The following TEX9 variants were observed in gnomAD, a reference collection of about 807,000 sequenced individuals.
The protein encoded by TEX9 is testis expressed 9.
Under a neutral mutation model 59.6 loss-of-function variants are expected in TEX9, and 74 were observed. The ratio of observed to expected loss-of-function variants is 1.24; its 90% confidence interval spans 1.03 to 1.51. The LOEUF is 1.51. TEX9 is among the 40% of genes most tolerant of loss of function. The pLI, the probability that TEX9 is intolerant of heterozygous loss-of-function variation, is 0.00. For missense variants in TEX9, 522 were observed against 447.8 expected (o/e 1.17, Z -1.49); for synonymous variants, 186 against 152.2 (o/e 1.22, Z -1.64).
At chr15:56,263,039 T>G (rs1266242824) in intron 1 of TEX9, among the ~76,000 whole-genome samples, 10 of 152,212 alleles carry the variant, frequency 6.6e-5, no homozygotes, top group African/African-American at 2.4e-4. Context: ...GTTTTTGTTT[T>G]TTGAGACGGA....
chr15:56,314,501 T>G (rs1236315904), intron 1 of TEX9, among the ~76,000 whole-genome samples: 24 of 142,130 alleles, frequency 1.7e-4, no homozygotes, highest in Non-Finnish European at 3.2e-4. Context: ...TTGATTGCAC[T>G]GTGGTCTGAG....
chr15:56,453,025 C>T, the TEX9 span, among the ~76,000 whole-genome samples: 1 of 152,084 alleles, frequency 6.6e-6, no homozygotes, highest in Non-Finnish European at 1.5e-5. Flanking sequence ...GTATTTTATT[C>T]TCTATTAGTC....
intron 7 of TEX9, among the ~76,000 whole-genome samples, chr15:56,392,853 C>T (rs1343463494): frequency 1.3e-5 from 2 of 152,086 alleles, no homozygotes; most frequent in South Asian, 4.2e-4. Flanking sequence ...TGTCCCATGG[C>T]CCTGTTAGAA....
At chr15:56,339,404 A>AAAAC (rs1301170856) in intron 1 of TEX9, among the ~76,000 whole-genome samples, 11 of 138,684 alleles carry the variant, frequency 7.9e-5, no homozygotes, top group Non-Finnish European at 1.3e-4. Context: ...AAAAAAAAAA[A>AAAAC]AAAAAAAAAA....
intron 1 of TEX9, among the ~76,000 whole-genome samples, chr15:56,266,181 CA>C (rs1388080110): frequency 6.6e-6 from 1 of 151,648 alleles, no homozygotes; most frequent in African/African-American, 2.4e-5. Flanking sequence ...GGCTGGAGTG[CA>C]GTGGTGCAGT....
chr15:56,349,743 A>ATG (rs35080368), intron 1 of TEX9, among the ~76,000 whole-genome samples: 6,645 of 151,914 alleles, frequency 0.044, 222 homozygotes, highest in Admixed American at 0.085. Flanking sequence ...ACGTGTATAT[A>ATG]TGTGTGTGTA....
At chr15:56,404,165 A>T (rs1361836978) in intron 9 of TEX9, among the ~76,000 whole-genome samples, 3 of 152,214 alleles carry the variant, frequency 2.0e-5, no homozygotes, top group Non-Finnish European at 2.9e-5. Context: ...CCTTCTGCAC[A>T]TCAAAAGAAA....
In TEX9 at chr15:56,404,169, A is replaced by G. The variant is rs947188189; in HGVS notation, c.829-8133A>G. On this transcript the variant is annotated intron_variant, in intron 9 of 12. Transcript: ENST00000352903. ...TAAACTAAAGACCTTCTGCACATCA[A>G]AAGAAACTACCATCAGAGTGAACAG... 5.3e-5 allele frequency among the ~76,000 whole-genome samples: 8 copies of G among 152,342 alleles called. 1 individual carries two copies. Among genetic ancestry groups the G allele is most frequent in the Admixed American group, 5.2e-4 (8 of 15,302 alleles).
intron 9 of TEX9, chr15:56,397,786 T>A (rs577939279): frequency 5.3e-5 from 8 of 152,280 alleles, no homozygotes; most frequent in African/African-American, 1.9e-4. Flanking sequence ...TCTCAGGAGA[T>A]TTGATGGTTT....
chr15:56,292,694 T>A (rs1161382323), intron 1 of TEX9, among the ~76,000 whole-genome samples: 2 of 152,178 alleles, frequency 1.3e-5, no homozygotes, highest in African/African-American at 4.8e-5. Context: ...GAAAAATGCC[T>A]TGGGCCACTA....
At chr15:56,425,876 A>G (rs535194397) in intron 10 of TEX9, among the ~76,000 whole-genome samples, 39 of 152,242 alleles carry the variant, frequency 2.6e-4, no homozygotes, top group Non-Finnish European at 3.8e-4. Flanking sequence ...ACCTTCACTA[A>G]TCAGCATGGT....
At chr15:56,247,316 A>G (rs2043882794) in intron 1 of TEX9, among the ~76,000 whole-genome samples, 1 of 152,208 alleles carries the variant, frequency 6.6e-6, no homozygotes, top group African/African-American at 2.4e-5. Flanking sequence ...GCAACATATT[A>G]ACATATATAA....
At chr15:56,383,402 T>C (rs546773088) in intron 3 of TEX9, among the ~76,000 whole-genome samples, 3 of 152,352 alleles carry the variant, frequency 2.0e-5, no homozygotes, top group African/African-American at 4.8e-5. Context: ...TGTTTTTGTG[T>C]GCAGGTAGTT....
chr15:56,318,718 A>G (rs1431614090), intron 1 of TEX9, among the ~76,000 whole-genome samples: 1 of 151,764 alleles, frequency 6.6e-6, no homozygotes. Context: ...TTTCTTGGAG[A>G]TTGCAGTTAA....
chr15:56,336,424 A>G (rs2046258466), intron 1 of TEX9, among the ~76,000 whole-genome samples: 1 of 152,028 alleles, frequency 6.6e-6, no homozygotes, highest in Non-Finnish European at 1.5e-5. Context: ...ATCTCCCAAT[A>G]TTTCTCTGGT....
At chr15:56,298,882 G>T (rs2045276323) in intron 1 of TEX9, among the ~76,000 whole-genome samples, 1 of 152,126 alleles carries the variant, frequency 6.6e-6, no homozygotes, top group African/African-American at 2.4e-5. Flanking sequence ...TACAAGAATT[G>T]CTTACTGTTA....
At chr15:56,304,575 A>T (rs1371027810) in intron 1 of TEX9, among the ~76,000 whole-genome samples, 1 of 152,218 alleles carries the variant, frequency 6.6e-6, no homozygotes, top group Non-Finnish European at 1.5e-5. Context: ...CTATCCTTGC[A>T]TTCATGGGAT....
In TEX9 at chr15:56,358,430, T is replaced by C. The variant is rs373358042; in HGVS notation, c.-106-15011T>C. ...CAATTTTGTTGAAGAAGAAAATCCC[T>C]TTTAACTTAAAAAAAAAAAGATTTA... is the stretch of plus-strand genomic sequence containing the variant. On this transcript the variant is annotated intron_variant, in intron 1 of 5. Coordinates refer to the TEX9 transcript ENST00000560827. 4.2e-4 allele frequency among the ~76,000 whole-genome samples: 64 copies of C among 151,998 alleles called. No individual in the cohort carries two copies. The East Asian group carries it at 0.01, about 25-fold the overall frequency.
At chr15:56,427,953 G>T (rs1426116299) in intron 11 of TEX9, among the ~76,000 whole-genome samples, 1 of 152,042 alleles carries the variant, frequency 6.6e-6, no homozygotes, top group East Asian at 1.9e-4. Context: ...GTAAGTTAGT[G>T]TAGAAAATGG....
Sources: allele counts gnomAD v4.1 joint callset (sites outside exome capture counted in the v4.1 genomes callset), GRCh38; gene constraint gnomAD v4.1.1; transcripts MANE v1.5; gene names NCBI Gene and HGNC (gene_info 2026-07-23, HGNC 2026-07-21).